Variants in NOX3 observed in about 807,000 individuals in gnomAD.
NOX3 encodes NADPH oxidase catalytic subunit-like 3.
Under a neutral mutation model 76.7 loss-of-function variants are expected in NOX3, and 74 were observed. The ratio of observed to expected loss-of-function variants is 0.96; its 90% CI spans 0.80 to 1.17. NOX3 has a LOEUF of 1.17. NOX3 is among the 50% of genes most tolerant of loss of function. The pLI, the probability that NOX3 is intolerant of heterozygous loss-of-function variation, is 0.00. For synonymous variants in NOX3, 263 were observed against 261.1 expected, an observed-to-expected ratio of 1.01 and a Z score of -0.07; for missense variants, 695 against 703.3, an observed-to-expected ratio of 0.99 and a Z score of 0.13.
chr6:155,429,727 T>A (rs944330139), intron 8 of NOX3, among the ~76,000 whole-genome samples: 5 of 152,146 alleles, frequency 3.3e-5, no homozygotes, highest in Admixed American at 1.3e-4. Context: ...CAATCTTGTT[T>A]CCTGAAAAAT....
intron 9 of NOX3, among the ~76,000 whole-genome samples, chr6:155,423,540 A>G (rs2114690295): frequency 6.6e-6 from 1 of 152,270 alleles, no homozygotes; most frequent in African/African-American, 2.4e-5. Flanking sequence ...TTGAATAAAT[A>G]AGAGGGTCCT....
At position 155,424,342 on chromosome 6, in the gene NOX3, T is replaced by C. The variant is rs367788528; in HGVS notation, c.1146-1486A>G. On this transcript the variant is annotated intron_variant, in intron 9 of 13. Coordinates refer to ENST00000159060, the MANE Select transcript of NOX3 (RefSeq NM_015718.3). The stretch of plus-strand genomic sequence containing the variant: ...GCTGTAATCCCAGCACTCCCTGACA[T>C]GAAGTTGTTCAATAACAATTGGTTG... Among the ~76,000 whole-genome samples the C allele has an allele frequency of 1.6e-3, 239 of 152,318 alleles. 1 individual carries two copies. The highest frequency in any genetic ancestry group is 5.4e-3 in the African/African-American group (223 of 41,576).
chr6:155,404,356 G>A (rs117839442), intron 12 of NOX3, among the ~76,000 whole-genome samples: 4,790 of 152,086 alleles, frequency 0.031, 85 homozygotes, highest in Non-Finnish European at 0.044. Flanking sequence ...CAGAGGAACC[G>A]GATTCTGTGG....
intron 6 of NOX3, among the ~76,000 whole-genome samples, chr6:155,437,527 T>TC (rs1156391956): frequency 6.6e-6 from 1 of 152,190 alleles, no homozygotes; most frequent in Non-Finnish European, 1.5e-5. Flanking sequence ...TTGGCTTTTG[T>TC]CCCAGTCTGT....
chr6:155,423,216 C>G lies in NOX3; in HGVS notation c.1146-360G>C, dbSNP rs571171025. ...GCTGGAAGAGCTATTTCCCTTTCCA[C>G]CCCAGCTGCCATCAGAGGGAAAAAT... On this transcript the variant is annotated intron_variant, in intron 9 of 13. Transcript: ENST00000159060. Among the ~76,000 whole-genome samples the G allele has an allele frequency of 2.6e-5, 4 of 152,296 alleles. 1 individual carries two copies. In the East Asian group the frequency reaches 7.7e-4, roughly 29 times the overall value.
At chr6:155,420,486 C>A (rs1396981345) in intron 10 of NOX3, among the ~76,000 whole-genome samples, 2 of 152,136 alleles carry the variant, frequency 1.3e-5, no homozygotes, top group African/African-American at 4.8e-5. Context: ...GTTTTGCTTG[C>A]TTTGTTAAAT....
intron 11 of NOX3, 98 bp from the exon 12 acceptor site, chr6:155,407,352 T>A (rs1387153489): frequency 1.7e-6 from 2 of 1,167,788 alleles, no homozygotes; most frequent in African/African-American, 1.6e-5. Context: ...TAGATTTAAT[T>A]AAAAATGTGT....
intron 10 of NOX3, among the ~76,000 whole-genome samples, chr6:155,415,516 C>T (rs187182438): frequency 5.4e-4 from 82 of 152,276 alleles, no homozygotes; most frequent in African/African-American, 1.9e-3. Flanking sequence ...TGGCCCAGAA[C>T]CCCTCTAAAC....
intron 12 of NOX3, 147 bp from the exon 13 acceptor site, chr6:155,397,109 T>C: frequency 1.5e-6 from 1 of 667,462 alleles, no homozygotes; most frequent in Non-Finnish European, 2.3e-6. Context: ...GATTCTTTTT[T>C]TCTACCTACT....
At chr6:155,418,010 T>C (rs970980375) in intron 10 of NOX3, among the ~76,000 whole-genome samples, 2 of 152,250 alleles carry the variant, frequency 1.3e-5, no homozygotes, top group Admixed American at 1.3e-4. Flanking sequence ...TAATCTGTTG[T>C]ATCGTAGTCT....
chr6:155,454,672 C>G (rs955686207), intron 3 of NOX3, 139 bp downstream of exon 3: 15 of 591,322 alleles, frequency 2.5e-5, no homozygotes, highest in Non-Finnish European at 4.1e-5. Flanking sequence ...CTGTCTTAGC[C>G]TTTCTGTTAT....
At chr6:155,422,665 G>A (rs754512714) in intron 10 of NOX3, 29 bp downstream of exon 10, 1 of 1,608,806 alleles carries the variant, frequency 6.2e-7, no homozygotes, top group South Asian at 1.1e-5. Flanking sequence ...TTTAATCCAT[G>A]GAAGGGTGAA....
In NOX3 at chr6:155,418,197, A is replaced by G. The variant is rs144777649; in HGVS notation, c.1308+4497T>C. On this transcript the variant is annotated intron_variant, in intron 10 of 13. Coordinates refer to ENST00000159060, the MANE Select transcript of NOX3 (RefSeq NM_015718.3). ...CACACCTATTTCATTCATCATTTTGACAGTTTGCACAAGCAAACCGTCCTA... is the reference window on the plus strand; with the variant it reads ...CACACCTATTTCATTCATCATTTTGGCAGTTTGCACAAGCAAACCGTCCTA... 8.9e-3 allele frequency among the ~76,000 whole-genome samples: 1,353 copies of G among 152,132 alleles called. 12 individuals carry two copies. Among genetic ancestry groups the G allele is most frequent in the Middle Eastern group, 0.014 (4 of 294 alleles).
intron 10 of NOX3, among the ~76,000 whole-genome samples, chr6:155,417,895 A>G (rs894194857): frequency 1.3e-5 from 2 of 152,078 alleles, no homozygotes; most frequent in African/African-American, 4.8e-5. Context: ...CCCAAAGGCC[A>G]TTTTGCATGG....
At chr6:155,439,710 A>G (rs1182215065) in intron 6 of NOX3, among the ~76,000 whole-genome samples, 1 of 152,220 alleles carries the variant, frequency 6.6e-6, no homozygotes, top group African/African-American at 2.4e-5. Flanking sequence ...AGGATTCCTG[A>G]ATTTTATAAA....
At chr6:155,454,309 T>C (rs929603043) in intron 3 of NOX3, among the ~76,000 whole-genome samples, 1 of 152,210 alleles carries the variant, frequency 6.6e-6, no homozygotes, top group Admixed American at 6.5e-5. Flanking sequence ...ATTCTCTGCA[T>C]GCTATTTTGT....
At chr6:155,416,772 A>C (rs62427239) in intron 10 of NOX3, among the ~76,000 whole-genome samples, 5,004 of 82,848 alleles carry the variant, frequency 0.06, 139 homozygotes, top group Non-Finnish European at 0.079. Flanking sequence ...TTTTTTTGAG[A>C]CGGAGTCTCG....
intron 4 of NOX3, among the ~76,000 whole-genome samples, chr6:155,447,928 TC>T (rs1264711437): frequency 6.6e-6 from 1 of 152,224 alleles, no homozygotes; most frequent in African/African-American, 2.4e-5. Flanking sequence ...TTCCTTCCCT[TC>T]TACATTTTAG....
intron 12 of NOX3, among the ~76,000 whole-genome samples, chr6:155,403,318 T>C (rs1351101054): frequency 6.6e-6 from 1 of 152,226 alleles, no homozygotes; most frequent in African/African-American, 2.4e-5. Context: ...GACCGAAGGC[T>C]TGTCTTTTCC....
Sources: gnomAD v4.1 joint callset for allele counts (sites outside exome capture counted in the v4.1 genomes callset) on GRCh38, gnomAD v4.1.1 for gene constraint, MANE v1.5 for transcripts, NCBI Gene and HGNC (gene_info 2026-07-23, HGNC 2026-07-21) for gene names.